Variants in RALGAPA2 observed in about 807,000 individuals in gnomAD.
The protein encoded by RALGAPA2 is ral GTPase-activating protein subunit alpha-2.
RALGAPA2 carries 139 observed loss-of-function variants against 230.4 expected under a neutral mutation model. That is an observed-to-expected ratio of 0.60 (90% CI 0.53 to 0.69). The LOEUF (loss-of-function observed/expected upper bound fraction) is 0.69. Among genes scored for constraint, RALGAPA2 ranks in the 30% least tolerant of loss-of-function variants. The pLI is 0.00. For synonymous variants in RALGAPA2, 847 were observed against 837.8 expected, an observed-to-expected ratio of 1.01 and a Z score of -0.19; for missense variants, 2,163 against 2,276.0, an observed-to-expected ratio of 0.95 and a Z score of 1.01.
intron 37 of RALGAPA2, among the ~76,000 whole-genome samples, chr20:20,468,967 G>T (rs913029610): frequency 4.0e-5 from 6 of 148,474 alleles, no homozygotes; most frequent in African/African-American, 1.6e-4. Flanking sequence ...GTGTGTTTGT[G>T]TGTGTGTGTG....
intron 37 of RALGAPA2, among the ~76,000 whole-genome samples, chr20:20,444,885 G>A (rs2060825049): frequency 2.6e-5 from 4 of 152,222 alleles, no homozygotes; most frequent in African/African-American, 7.2e-5. Flanking sequence ...ACTGCACACT[G>A]TCTGTCCTTT....
intron 1 of RALGAPA2, among the ~76,000 whole-genome samples, chr20:20,682,153 T>C (rs1022496958): frequency 1.2e-4 from 19 of 152,220 alleles, no homozygotes; most frequent in African/African-American, 4.1e-4. Flanking sequence ...ATAATGCATG[T>C]AAGGTGCTTA....
chr20:20,600,515 T>C (rs2065607039), intron 16 of RALGAPA2, among the ~76,000 whole-genome samples: 1 of 152,060 alleles, frequency 6.6e-6, no homozygotes, highest in Non-Finnish European at 1.5e-5. Flanking sequence ...AGCAAAAAAG[T>C]ATGAGAGAGT....
rs180948330 is a variant in RALGAPA2, at chr20:20,453,857, T to C, written c.5495+18972A>G. 2.0e-5 allele frequency among the ~76,000 whole-genome samples: 3 copies of C among 152,346 alleles called. No homozygotes were observed. In the East Asian group the frequency reaches 5.8e-4, roughly 29 times the overall value. ...ATGAGTACACTAACGAAAAAAATGC[T>C]TTTGGACTTTTCAGAATTGGTGTCT... On this transcript the variant is annotated intron_variant, in intron 37 of 39. Transcript: ENST00000202677.
intron 37 of RALGAPA2, among the ~76,000 whole-genome samples, chr20:20,435,851 C>G (rs568961688): frequency 2.1e-4 from 32 of 152,240 alleles, no homozygotes; most frequent in Admixed American, 2.0e-3. Context: ...AGGGACTGCT[C>G]TGGATTGAGC....
intron 23 of RALGAPA2, among the ~76,000 whole-genome samples, chr20:20,562,677 T>C (rs2064293764): frequency 6.6e-6 from 1 of 152,176 alleles, no homozygotes; most frequent in South Asian, 2.1e-4. Flanking sequence ...TGCTATCATC[T>C]TACACTTTTT....
chr20:20,411,798 T>C (rs2060065641), intron 38 of RALGAPA2, among the ~76,000 whole-genome samples: 1 of 152,204 alleles, frequency 6.6e-6, no homozygotes, highest in African/African-American at 2.4e-5. Flanking sequence ...TTCATTAACC[T>C]TGCTAGATTT....
intron 24 of RALGAPA2, among the ~76,000 whole-genome samples, chr20:20,537,774 T>A (rs373397236): frequency 1.3e-5 from 2 of 152,192 alleles, no homozygotes; most frequent in African/African-American, 4.8e-5. Context: ...AATAAAACAA[T>A]GAAAGCTCAC....
At chr20:20,497,147 C>T (rs1357893495) in intron 35 of RALGAPA2, among the ~76,000 whole-genome samples, 1 of 152,164 alleles carries the variant, frequency 6.6e-6, no homozygotes, top group African/African-American at 2.4e-5. Context: ...AAATACAACC[C>T]TGGGCCTCCT....
intron 9 of RALGAPA2, among the ~76,000 whole-genome samples, chr20:20,632,269 A>G (rs890579698): frequency 1.3e-5 from 2 of 151,802 alleles, no homozygotes; most frequent in African/African-American, 4.8e-5. Flanking sequence ...TGACCTCGTG[A>G]TCCGCCCGCC....
At chr20:20,535,328 TGGC>T (rs2063470373) in intron 26 of RALGAPA2, among the ~76,000 whole-genome samples, 1 of 152,210 alleles carries the variant, frequency 6.6e-6, no homozygotes, top group East Asian at 1.9e-4. Flanking sequence ...CTCAGATGCC[TGGC>T]AGAAGCAGCC....
intron 26 of RALGAPA2, among the ~76,000 whole-genome samples, chr20:20,533,599 G>T (rs1294072418): frequency 1.3e-5 from 2 of 152,048 alleles, no homozygotes; most frequent in Admixed American, 6.5e-5. Flanking sequence ...AAAAAAATCA[G>T]ACAGGATACA....
intron 38 of RALGAPA2, 109 bp downstream of exon 38, chr20:20,411,918 G>C: frequency 2.2e-6 from 3 of 1,390,960 alleles, no homozygotes. Context: ...GATTCAGAGG[G>C]AGAATGCTCT....
chr20:20,595,520 A>G (rs2065424644), intron 16 of RALGAPA2, among the ~76,000 whole-genome samples: 1 of 152,170 alleles, frequency 6.6e-6, no homozygotes, highest in Non-Finnish European at 1.5e-5. Flanking sequence ...TTGCCATACC[A>G]TTCCAATATG....
intron 36 of RALGAPA2, among the ~76,000 whole-genome samples, chr20:20,482,532 T>C (rs1402311046): frequency 2.0e-5 from 3 of 152,122 alleles, no homozygotes; most frequent in Non-Finnish European, 4.4e-5. Flanking sequence ...GGTCTGGCTC[T>C]CTTTTCTAGC....
intron 10 of RALGAPA2, 49 bp downstream of exon 10, chr20:20,629,314 A>C: frequency 7.4e-7 from 1 of 1,347,898 alleles, no homozygotes. Context: ...CATTTCAAGA[A>C]CTTGTAACAC....
chr20:20,536,866 T>C, intron 24 of RALGAPA2, 82 bp from the exon 25 acceptor site: 1 of 1,418,034 alleles, frequency 7.1e-7, no homozygotes, highest in Non-Finnish European at 9.4e-7. Flanking sequence ...TTACTCTTCA[T>C]CCTAGATAAA....
chr20:20,625,037 C>T (rs1396894817), intron 10 of RALGAPA2, among the ~76,000 whole-genome samples: 1 of 152,030 alleles, frequency 6.6e-6, no homozygotes, highest in African/African-American at 2.4e-5. Context: ...CCCATGCCTC[C>T]CTCCCTCTTG....
chr20:20,421,482 C>G (rs1236601396), intron 37 of RALGAPA2, among the ~76,000 whole-genome samples: 1 of 152,138 alleles, frequency 6.6e-6, no homozygotes, highest in African/African-American at 2.4e-5. Context: ...ACCAGCCTGA[C>G]CAACGTGGAG....
Sources: allele counts gnomAD v4.1 joint callset (sites outside exome capture counted in the v4.1 genomes callset), GRCh38; gene constraint gnomAD v4.1.1; transcripts MANE v1.5; gene names NCBI Gene and HGNC (gene_info 2026-07-23, HGNC 2026-07-21).